The following DYNC1LI1 variants were observed in gnomAD, a reference collection of about 807,000 sequenced individuals.
DYNC1LI1 encodes dynein cytoplasmic 1 light intermediate chain 1.
In DYNC1LI1, 19 loss-of-function variants were observed where a neutral mutation model predicts 63.8. That is an observed-to-expected ratio of 0.30 (90% CI 0.21 to 0.44). The LOEUF (loss-of-function observed/expected upper bound fraction) is 0.44, where lower values mean the gene tolerates loss of function less well. Ranked by LOEUF, DYNC1LI1 falls within the 20% of genes least tolerant of loss-of-function variation. DYNC1LI1 has a pLI of 1.00. For missense variants in DYNC1LI1, 565 were observed against 630.2 expected (o/e 0.90, Z 1.11); for synonymous variants, 225 against 232.3 (o/e 0.97, Z 0.28).
At position 32,526,779 on chromosome 3, in the gene DYNC1LI1, A is replaced by C; in HGVS notation, c.*20T>G. ...TTACATTATCCCAGAAAACAGAATA[A>C]ATGGCTTTATTTGGTATCTTCAAGA... On this transcript the variant is annotated 3_prime_UTR_variant, in exon 13 of 13. Transcript: ENST00000273130. 1.9e-6 allele frequency: 3 copies of C among 1,547,786 alleles called. No individual in the cohort carries two copies. The highest frequency in any genetic ancestry group is 1.8e-6 in the Non-Finnish European group (2 of 1,121,744).
Position 32,528,519 on chromosome 3 carries a change from A to G in DYNC1LI1, c.1389T>C (p.Gly463=). 1 of 1,614,160 alleles carries G rather than the reference A, an allele frequency of 6.2e-7. No individual in the cohort carries two copies. The highest frequency in any genetic ancestry group is 8.5e-7 in the Non-Finnish European group (1 of 1,180,002). ...CACCTGCAGGGCTACCACCACTCACACCAGGGCCTCCTGGAGAGCCAGTCT... is the reference window on the plus strand; with the variant it reads ...CACCTGCAGGGCTACCACCACTCACGCCAGGGCCTCCTGGAGAGCCAGTCT... ...SKKTGSPGGP[G]VSGGSPAGGA... is the part of the protein sequence containing the mutation. Residue 463 remains glycine (G), a synonymous_variant, in exon 12 of 13, where the codon GGT becomes GGC. Transcript: ENST00000273130.
chr3:32,537,562 A>G (rs1697791501), intron 5 of DYNC1LI1, among the ~76,000 whole-genome samples: 1 of 151,940 alleles, frequency 6.6e-6, no homozygotes, highest in Non-Finnish European at 1.5e-5. Context: ...ATAATTCTCA[A>G]GTGACCTTAA....
At chr3:32,537,873 AT>A (rs1697795779) in intron 5 of DYNC1LI1, among the ~76,000 whole-genome samples, 2 of 88,890 alleles carry the variant, frequency 2.2e-5, no homozygotes, top group Admixed American at 3.6e-4. Flanking sequence ...TTTTTGTTAC[AT>A]ATATATATAT....
At position 32,528,614 on chromosome 3, in the gene DYNC1LI1, A is replaced by T. The variant is rs554852358; in HGVS notation, c.1307-13T>A. ...CTTGTAGCTCCAGCTATAAAAAAAT[A>T]AAAAAACAAAAAGCTTTAGCCAAAA... On this transcript the variant is annotated splice_polypyrimidine_tract_variant and intron_variant, in intron 11 of 12. Coordinates refer to ENST00000273130, the MANE Select transcript of DYNC1LI1 (RefSeq NM_016141.4). 25 of 1,585,876 alleles carry T rather than the reference A, an allele frequency of 1.6e-5. No homozygotes were observed. In the Admixed American group the frequency reaches 4.6e-4, roughly 29 times the overall value.
chr3:32,527,077 C>T (rs780533357), intron 12 of DYNC1LI1, among the ~76,000 whole-genome samples, 169 bp from the exon 13 acceptor site: 2 of 152,170 alleles, frequency 1.3e-5, no homozygotes, highest in Non-Finnish European at 2.9e-5. Context: ...TGTGGTGGCT[C>T]ACGCCTGTAA....
intron 2 of DYNC1LI1, among the ~76,000 whole-genome samples, chr3:32,553,890 G>C (rs1050595021): frequency 9.2e-5 from 14 of 152,216 alleles, no homozygotes; most frequent in African/African-American, 3.1e-4. Context: ...AACAGTGCTG[G>C]TGTCTTTAGA....
intron 11 of DYNC1LI1, among the ~76,000 whole-genome samples, chr3:32,529,211 T>C (rs932894388): frequency 1.3e-5 from 2 of 152,212 alleles, no homozygotes; most frequent in African/African-American, 4.8e-5. Flanking sequence ...ATGGCAATTA[T>C]TCCTACAGAA....
intron 2 of DYNC1LI1, among the ~76,000 whole-genome samples, chr3:32,558,294 T>C (rs906084633): frequency 9.3e-5 from 14 of 150,420 alleles, no homozygotes; most frequent in African/African-American, 3.4e-4. Flanking sequence ...ATGCAGGTGC[T>C]AGACAACTTC....
rs1697668917 is a variant in DYNC1LI1 at position 32,529,640 on chromosome 3, T to C, written c.1206A>G (p.Pro402=). The change falls in exon 11 of 13, where the codon CCA becomes CCG. Residue 402 remains proline (P), a synonymous_variant. Coordinates refer to ENST00000273130, the MANE Select transcript of DYNC1LI1 (RefSeq NM_016141.4). ...TATTTGGTGTTCGTGGGGAGCCTCC[T>C]GGGACTCTTGGTGAGGCATCCTATG... ...GRPVDASPRV[P]GGSPRTPNRS... 1.0e-5 allele frequency: 16 copies of C among 1,606,990 alleles called. No homozygotes were observed. Among genetic ancestry groups the C allele is most frequent in the African/African-American group, 2.7e-5 (2 of 74,890 alleles).
At position 32,529,620 on chromosome 3, in the gene DYNC1LI1, G is replaced by A; in HGVS notation, c.1226C>T (p.Pro409Leu). 1 of 1,609,246 alleles carries A rather than the reference G, an allele frequency of 6.2e-7. No individual in the cohort carries two copies. The stretch of plus-strand genomic sequence containing the variant: ...AACATTAGATGATACAGATCTATTT[G>A]GTGTTCGTGGGGAGCCTCCTGGGAC... Reference protein sequence around the residue: ...PRVPGGSPRTPNRSVSSNVAS... With the variant: ...PRVPGGSPRTLNRSVSSNVAS... Residue 409 changes from proline to leucine, a missense_variant, in exon 11 of 13, where the codon CCA becomes CTA. Transcript: ENST00000273130.
chr3:32,532,165 A>AC (rs1697706342), intron 8 of DYNC1LI1: 1 of 152,148 alleles, frequency 6.6e-6, no homozygotes. Context: ...TTGATATGTT[A>AC]GAGTCGAGAC....
intron 1 of DYNC1LI1, 59 bp from the exon 2 acceptor site, chr3:32,570,478 C>T: frequency 6.7e-7 from 1 of 1,503,414 alleles, no homozygotes; most frequent in Non-Finnish European, 8.9e-7. Context: ...GCGGGAGGGA[C>T]GGACCCGGCC....
At chr3:32,528,649 C>A in intron 11 of DYNC1LI1, 48 bp from the exon 12 acceptor site, 1 of 1,533,136 alleles carries the variant, frequency 6.5e-7, no homozygotes, top group South Asian at 1.2e-5. Flanking sequence ...ACATAAGATT[C>A]TTCCTTAAAT....
intron 12 of DYNC1LI1, 116 bp from the exon 13 acceptor site, chr3:32,527,024 T>C (rs1697628145): frequency 1.5e-6 from 1 of 675,890 alleles, no homozygotes; most frequent in African/African-American, 1.8e-5. Flanking sequence ...TTTAGCACAC[T>C]AAGTTATACA....
At chr3:32,547,107 G>A (rs1324505534) in intron 2 of DYNC1LI1, among the ~76,000 whole-genome samples, 1 of 152,086 alleles carries the variant, frequency 6.6e-6, no homozygotes, top group Non-Finnish European at 1.5e-5. Flanking sequence ...GCAGGGCACA[G>A]TGGCGCGCAT....
At chr3:32,564,056 T>C (rs930811870) in intron 2 of DYNC1LI1, among the ~76,000 whole-genome samples, 1 of 152,206 alleles carries the variant, frequency 6.6e-6, no homozygotes, top group African/African-American at 2.4e-5. Context: ...ACCCCAGTGA[T>C]TCAGGAGACT....
At chr3:32,535,300 G>A (rs12638690) in intron 6 of DYNC1LI1, among the ~76,000 whole-genome samples, 1 of 152,180 alleles carries the variant, frequency 6.6e-6, no homozygotes, top group East Asian at 1.9e-4. Context: ...AGACACAGTG[G>A]ATGTAAATAT....
At chr3:32,555,231 T>A (rs1246681803) in intron 2 of DYNC1LI1, among the ~76,000 whole-genome samples, 1 of 152,258 alleles carries the variant, frequency 6.6e-6, no homozygotes, top group Non-Finnish European at 1.5e-5. Flanking sequence ...CTTCTTTTCA[T>A]ACATCTTAAG....
chr3:32,566,290 T>C (rs1158462153), intron 2 of DYNC1LI1, among the ~76,000 whole-genome samples: 2 of 152,012 alleles, frequency 1.3e-5, no homozygotes, highest in East Asian at 1.9e-4. Context: ...AAATTCTGTG[T>C]CTGTTTCCTG....
Sources: gnomAD v4.1 joint callset for allele counts (sites outside exome capture counted in the v4.1 genomes callset) on GRCh38, gnomAD v4.1.1 for gene constraint, MANE v1.5 for transcripts, NCBI Gene and HGNC (gene_info 2026-07-23, HGNC 2026-07-21) for gene names.